Variants in UNKL observed in about 807,000 individuals in gnomAD.
UNKL encodes the protein putative E3 ubiquitin-protein ligase UNKL.
UNKL carries 60 observed loss-of-function variants against 78.0 expected under a neutral mutation model. That is an observed-to-expected ratio of 0.77 (90% CI 0.63 to 0.95). The LOEUF (loss-of-function observed/expected upper bound fraction) is 0.95, where lower values mean the gene tolerates loss of function less well. Ranked by LOEUF, UNKL falls within the 40% of genes least tolerant of loss-of-function variation. The probability of loss-of-function intolerance (pLI) is 0.00; values close to 1 mark genes in which losing one functional copy is unlikely to be tolerated. For missense variants in UNKL, 1,159 were observed against 1,045.7 expected, an observed-to-expected ratio of 1.11 and a Z score of -1.49; for synonymous variants, 608 against 474.8, an observed-to-expected ratio of 1.28 and a Z score of -3.65.
chr16:1,393,980 G>T, intron 7 of UNKL, 151 bp downstream of exon 7: 1 of 764,766 alleles, frequency 1.3e-6, no homozygotes, highest in Non-Finnish European at 2.1e-6. Context: ...CCACGGGCAT[G>T]TCAGGGACCC....
Position 1,401,670 on chromosome 16 carries a change from C to G in UNKL, c.496G>C (p.Gly166Arg). 1 of 1,611,982 alleles carries G rather than the reference C, an allele frequency of 6.2e-7. No individual in the cohort carries two copies. ...ACCCCTTCCCCGCCGCCCAGCTGGC[C>G]GTTCTGCAAGGCTTCCTGGGCCTGC... The part of the protein sequence containing the change: ...ELQAQEALQN[G>R]QLGGGEGVPD... Residue 166 changes from glycine (G) to arginine (R), a missense_variant, in exon 4 of 15, where the codon GGC (glycine) becomes CGC (arginine). Physicochemically the swap from Gly to Arg is moderately radical, Grantham distance 125 (BLOSUM62 -2). Coordinates refer to ENST00000389221, the MANE Select transcript of UNKL (RefSeq NM_001372107.1).
At chr16:1,375,774 G>A (rs1458983755) in intron 10 of UNKL, among the ~76,000 whole-genome samples, 1 of 152,176 alleles carries the variant, frequency 6.6e-6, no homozygotes, top group Non-Finnish European at 1.5e-5. Context: ...GGCAGGCCTT[G>A]GGCCAGCCGC....
rs1352547008 is a variant in UNKL at position 1,412,468 on chromosome 16, T to G, written c.287+1378A>C. ...TCTATTAAAAATACAAAAACTTAGC[T>G]AGGCGTGGTGGCGGGTGCCTGTAAT... On this transcript the variant is annotated intron_variant, in intron 2 of 14. Transcript: ENST00000389221. 2.6e-5 allele frequency among the ~76,000 whole-genome samples: 4 copies of G among 152,132 alleles called. No individual in the cohort carries two copies. The East Asian group carries it at 7.8e-4, about 30-fold the overall frequency.
At position 1,365,388 on chromosome 16, in the gene UNKL, A is replaced by G. The variant is rs1273750052; in HGVS notation, c.*852T>C. The G allele has an allele frequency of 6.6e-6, 1 of 152,250 alleles. No individual in the cohort carries two copies. Among genetic ancestry groups the G allele is most frequent in the Non-Finnish European group, 1.5e-5 (1 of 68,036 alleles). 9.4% of individuals were successfully genotyped at this position (152,250 alleles called of 1,614,324 possible). A position where few individuals can be genotyped will look rare whatever the true frequency, so the allele number is the denominator to read the frequency against. ...AAACTGTCTTTCAGAGGGTTAAGGG[A>G]GAAAACAAAACCCATGATGCTCCTT... On this transcript the variant is annotated 3_prime_UTR_variant, in exon 15 of 15. Transcript: ENST00000389221.
chr16:1,369,372 CTCTT>C (rs1335385653), intron 12 of UNKL, among the ~76,000 whole-genome samples: 10 of 149,850 alleles, frequency 6.7e-5, no homozygotes, highest in Admixed American at 2.0e-4. Flanking sequence ...GGGCCTTTTT[CTCTT>C]TTTTTTTTTT....
At chr16:1,406,276 A>C (rs1007967723) in intron 2 of UNKL, among the ~76,000 whole-genome samples, 6 of 151,288 alleles carry the variant, frequency 4.0e-5, no homozygotes, top group African/African-American at 1.5e-4. Context: ...GCAGTGGCAC[A>C]ATCTCAGCTC....
intron 10 of UNKL, among the ~76,000 whole-genome samples, chr16:1,372,116 T>G (rs1422933846): frequency 1.3e-5 from 2 of 150,480 alleles, no homozygotes; most frequent in African/African-American, 4.9e-5. Context: ...TACAAAAAAT[T>G]AGCCAGGCGT....
chr16:1,381,016 G>A (rs918256811), intron 10 of UNKL, among the ~76,000 whole-genome samples: 3 of 151,204 alleles, frequency 2.0e-5, no homozygotes, highest in African/African-American at 7.3e-5. Flanking sequence ...CTTCAAGATC[G>A]CGAGTGACAT....
At chr16:1,377,547 A>C (rs2036327137) in intron 10 of UNKL, among the ~76,000 whole-genome samples, 3 of 145,530 alleles carry the variant, frequency 2.1e-5, no homozygotes, top group African/African-American at 5.1e-5. Flanking sequence ...CTCACCACTC[A>C]CTCTGCCCAC....
chr16:1,391,255 C>CACAA (rs763281320), intron 8 of UNKL, among the ~76,000 whole-genome samples: 3,127 of 148,334 alleles, frequency 0.021, 37 homozygotes, highest in Middle Eastern at 0.049. Context: ...CACACACACA[C>CACAA]ACACACACAC....
Position 1,413,870 on chromosome 16 carries a change from G to C in UNKL, c.263C>G (p.Thr88Ser), listed in dbSNP as rs913757773. ...CTCGTCGCCGTCGGGGCACACGCCG[G>C]TGGCTTCGTTGTACTTGGAGCAGTA... The part of the protein sequence containing the change: ...DVYCSKYNEA[T>S]GVCPDGDECP... Residue 88 changes from threonine to serine, a missense_variant, in exon 2 of 15, where the codon ACC becomes AGC. Thr to Ser is a moderately conservative substitution (Grantham distance 58). Coordinates refer to ENST00000389221, the MANE Select transcript of UNKL (RefSeq NM_001372107.1). 6 of 1,532,112 alleles carry C rather than the reference G, an allele frequency of 3.9e-6. No homozygotes were observed. Among genetic ancestry groups the C allele is most frequent in the Non-Finnish European group, 4.4e-6 (5 of 1,131,454 alleles). The allele number at this position is 1,532,112 out of a possible 1,614,324, so 94.9% of individuals were successfully genotyped here.
Position 1,367,072 on chromosome 16 carries a change from C to T in UNKL, c.2046+20G>A. The T allele has an allele frequency of 6.6e-7, 1 of 1,512,006 alleles. No individual in the cohort carries two copies. The highest frequency in any genetic ancestry group is 8.8e-7 in the Non-Finnish European group (1 of 1,131,688). 93.7% of individuals were successfully genotyped at this position (1,512,006 alleles called of 1,614,324 possible). A position where few individuals can be genotyped will look rare whatever the true frequency, so the allele number is the denominator to read the frequency against. ...CCTGCAGGCAGGCTGGCCCCTCACC[C>T]TGCCCAGAGCAGGACTCACGCCGTC... is the stretch of plus-strand genomic sequence containing the variant. On this transcript the variant is annotated intron_variant, in intron 14 of 14. Transcript: ENST00000389221.
Position 1,401,680 on chromosome 16 carries a change from G to A in UNKL, c.486C>T (p.Ala162=), listed in dbSNP as rs371461881. The change falls in exon 4 of 15, where the codon GCC becomes GCT. Residue 162 remains alanine (A), a synonymous_variant. Transcript: ENST00000389221. The part of the protein sequence containing the change: ...CDVRELQAQE[A]LQNGQLGGGE... ...CGCCGCCCAGCTGGCCGTTCTGCAAGGCTTCCTGGGCCTGCAGCTCCCTGC... is the reference window on the plus strand; with the variant it reads ...CGCCGCCCAGCTGGCCGTTCTGCAAAGCTTCCTGGGCCTGCAGCTCCCTGC... 6.0e-5 allele frequency: 96 copies of A among 1,611,402 alleles called. No individual in the cohort carries two copies. The highest frequency in any genetic ancestry group is 7.9e-5 in the Non-Finnish European group (93 of 1,179,272).
rs952174862 is a variant in UNKL at position 1,385,136 on chromosome 16, C to T, written c.1264+72G>A. ...TCTGTAACATGTCCTGAAATAGAAGCGCTGTCCCTGAAAAGCTACAGCATG... is the reference window on the plus strand; with the variant it reads ...TCTGTAACATGTCCTGAAATAGAAGTGCTGTCCCTGAAAAGCTACAGCATG... On this transcript the variant is annotated intron_variant, in intron 10 of 14. Coordinates refer to ENST00000389221, the MANE Select transcript of UNKL (RefSeq NM_001372107.1). 33 of 1,109,618 alleles carry T rather than the reference C, an allele frequency of 3.0e-5. 1 individual carries two copies. In the African/African-American group the frequency reaches 3.9e-4, roughly 13 times the overall value. 68.7% of individuals were successfully genotyped at this position (1,109,618 alleles called of 1,614,324 possible). A position where few individuals can be genotyped will look rare whatever the true frequency, so the allele number is the denominator to read the frequency against.
At chr16:1,393,246 A>G (rs2037123553) in intron 7 of UNKL, among the ~76,000 whole-genome samples, 2 of 152,250 alleles carry the variant, frequency 1.3e-5, no homozygotes, top group Admixed American at 1.3e-4. Flanking sequence ...AATAAAAAAC[A>G]AAGGAAAATT....
intron 9 of UNKL, among the ~76,000 whole-genome samples, chr16:1,389,059 C>T (rs2036936997): frequency 6.6e-6 from 1 of 151,996 alleles, no homozygotes; most frequent in African/African-American, 2.4e-5. Flanking sequence ...CCCCCTCCCC[C>T]GGCCCCGGCC....
Position 1,364,063 on chromosome 16 carries a change from A to G in UNKL, c.*2177T>C, listed in dbSNP as rs1403943515. 6.6e-6 allele frequency: 1 copy of G among 152,260 alleles called. No individual in the cohort carries two copies. Among genetic ancestry groups the G allele is most frequent in the Non-Finnish European group, 1.5e-5 (1 of 68,052 alleles). 9.4% of individuals were successfully genotyped at this position (152,260 alleles called of 1,614,324 possible). On this transcript the variant is annotated 3_prime_UTR_variant, in exon 15 of 15. Transcript: ENST00000389221. ...TATCCCAGAAAAGACCAGAGGCTCC[A>G]AATGGGAACCAAGTGCATAAATACA...
At chr16:1,382,469 G>A (rs1035368198) in intron 10 of UNKL, among the ~76,000 whole-genome samples, 7 of 151,654 alleles carry the variant, frequency 4.6e-5, no homozygotes, top group South Asian at 2.1e-4. Flanking sequence ...CCCCCGCCCC[G>A]ACCAAGCCCC....
At chr16:1,379,762 GC>G (rs58279159) in intron 10 of UNKL, 758,959 of 867,360 alleles carry the variant, frequency 0.88, 332,984 homozygotes, top group East Asian at 1. Context: ...CACTGGCCAC[GC>G]CCCCCGCGCT....
Sources: gnomAD v4.1 joint callset for allele counts (sites outside exome capture counted in the v4.1 genomes callset) on GRCh38, gnomAD v4.1.1 for gene constraint, MANE v1.5 for transcripts, NCBI Gene and HGNC (gene_info 2026-07-23, HGNC 2026-07-21) for gene names.